IPO5: variants seen among roughly 807,000 people sequenced by gnomAD.
IPO5 encodes the protein importin 5.
A neutral mutation model predicts 143.3 loss-of-function variants in IPO5; 18 were observed. The ratio of observed to expected loss-of-function variants is 0.13; its 90% confidence interval spans 0.09 to 0.19. IPO5 has a LOEUF of 0.19. Among genes scored for constraint, IPO5 ranks in the 10% least tolerant of loss-of-function variants. The probability of loss-of-function intolerance (pLI) is 1.00; values close to 1 mark genes in which losing one functional copy is unlikely to be tolerated. For synonymous variants in IPO5, 477 were observed against 465.7 expected (o/e 1.02, Z -0.31); for missense variants, 1,013 against 1,336.9 (o/e 0.76, Z 3.78).
Position 97,995,482 on chromosome 13 carries a change from G to A in IPO5, c.914-2049G>A, listed in dbSNP as rs141201985. On this transcript the variant is annotated intron_variant, in intron 11 of 28. Coordinates refer to ENST00000651721, the MANE Select transcript of IPO5 (RefSeq NM_002271.6). ...AGCTTATTAAAAAAACAGGCCGGGC[G>A]CGGTGGCTCACACCTGCAATCTCAG... Among the ~76,000 whole-genome samples, 330 of 152,142 alleles carry A rather than the reference G, an allele frequency of 2.2e-3. 1 individual carries two copies. Among genetic ancestry groups the A allele is most frequent in the Non-Finnish European group, 3.9e-3 (262 of 68,018 alleles).
chr13:98,005,923 A>G (rs1327459128), intron 16 of IPO5, among the ~76,000 whole-genome samples: 1 of 152,146 alleles, frequency 6.6e-6, no homozygotes, highest in Non-Finnish European at 1.5e-5. Flanking sequence ...TTAATAGAAG[A>G]GAGAAAAAAA....
At chr13:97,965,680 G>A (rs1315801122) in intron 2 of IPO5, among the ~76,000 whole-genome samples, 2 of 151,702 alleles carry the variant, frequency 1.3e-5, no homozygotes, top group East Asian at 3.9e-4. Flanking sequence ...CTAGTGTATG[G>A]AATTACAATT....
At chr13:97,958,600 A>G (rs946850551) in intron 2 of IPO5, among the ~76,000 whole-genome samples, 2 of 151,806 alleles carry the variant, frequency 1.3e-5, no homozygotes, top group South Asian at 4.2e-4. Flanking sequence ...AAACTGTATG[A>G]TTTAGGCCTC....
chr13:98,002,219 G>A lies in IPO5; in HGVS notation c.1109-248G>A, dbSNP rs532580669. The A allele has an allele frequency of 2.0e-4, 49 of 240,474 alleles. 1 individual carries two copies. The highest frequency in any genetic ancestry group is 9.6e-4 in the African/African-American group (42 of 43,562). The allele number at this position is 240,474 out of a possible 1,614,324, so 14.9% of individuals were successfully genotyped here. A position where few individuals can be genotyped will look rare whatever the true frequency, so the allele number is the denominator to read the frequency against. On this transcript the variant is annotated intron_variant, in intron 13 of 28. Transcript: ENST00000651721. ...TTAAGTAGAGACGGGGTTTCACCACGTTAACCAGGATGGTCTCGATCTCCT... is the reference window on the plus strand; with the variant it reads ...TTAAGTAGAGACGGGGTTTCACCACATTAACCAGGATGGTCTCGATCTCCT...
chr13:97,970,988 T>TA (rs1885783588), intron 3 of IPO5, among the ~76,000 whole-genome samples: 1 of 151,856 alleles, frequency 6.6e-6, no homozygotes, highest in Non-Finnish European at 1.5e-5. Context: ...TAATCAGTAG[T>TA]AAAAAATACT....
At chr13:98,007,278 A>T (rs1401930723) in intron 17 of IPO5, 2 of 152,178 alleles carry the variant, frequency 1.3e-5, no homozygotes, top group African/African-American at 4.8e-5. Context: ...GTTCCCTTTA[A>T]ATATGTGCTT....
At chr13:97,997,334 T>C (rs1342460057) in intron 11 of IPO5, among the ~76,000 whole-genome samples, 197 bp from the exon 12 acceptor site, 2 of 152,062 alleles carry the variant, frequency 1.3e-5, no homozygotes, top group African/African-American at 2.4e-5. Context: ...TTAATGAATG[T>C]TGCTTTTTAA....
chr13:98,016,972 A>G (rs1273595149), intron 25 of IPO5, 121 bp downstream of exon 25: 7 of 717,484 alleles, frequency 9.8e-6, no homozygotes, highest in Admixed American at 3.0e-5. Flanking sequence ...TCCATTGTAC[A>G]TCTTTGATTT....
At chr13:97,979,551 T>G (rs748870953) in intron 4 of IPO5, among the ~76,000 whole-genome samples, 8 of 152,336 alleles carry the variant, frequency 5.3e-5, no homozygotes, top group Non-Finnish European at 7.3e-5. Context: ...TGACAAGTAG[T>G]GCAAAGTACA....
chr13:97,959,669 G>A (rs573723191), intron 2 of IPO5, among the ~76,000 whole-genome samples: 1 of 152,204 alleles, frequency 6.6e-6, no homozygotes, highest in Non-Finnish European at 1.5e-5. Flanking sequence ...GGGAGGCGTA[G>A]GTTGCAGTGA....
chr13:98,016,624 G>A (rs1484356488), intron 24 of IPO5, 105 bp from the exon 25 acceptor site: 1 of 602,260 alleles, frequency 1.7e-6, no homozygotes, highest in Non-Finnish European at 2.6e-6. Context: ...ACAGGAATGA[G>A]AAATTGATTT....
chr13:98,015,318 G>C (rs1210809144), intron 22 of IPO5, among the ~76,000 whole-genome samples: 3 of 151,282 alleles, frequency 2.0e-5, no homozygotes, highest in African/African-American at 7.3e-5. Flanking sequence ...CTGGCACCTA[G>C]GTATGCTCAG....
rs560089074 is a variant in IPO5, at chr13:97,975,915, C to T, written c.-4-778C>T. The T allele has an allele frequency of 2.2e-5, 22 of 985,436 alleles. No individual in the cohort carries two copies. The South Asian group carries it at 1.0e-3, about 46-fold the overall frequency. The allele number at this position is 985,436 out of a possible 1,614,324, so 61.0% of individuals were successfully genotyped here. On this transcript the variant is annotated intron_variant, in intron 3 of 28. Transcript: ENST00000651721. The stretch of plus-strand genomic sequence containing the variant: ...GCCCCAGGCGTGAGTCACTGGAGAG[C>T]GCGACGGGAGGAAGGGGCGCCCTGA...
chr13:97,976,722 A>T lies in IPO5; in HGVS notation c.26A>T (p.Gln9Leu). The change falls in exon 4 of 29, where the codon CAA becomes CTA. Residue 9 changes from glutamine (Q) to leucine (L), a missense_variant. Gln to Leu is a moderately radical substitution (Grantham distance 113, BLOSUM62 -2). This residue lies in a region of IPO5 where 328 missense variants were observed against 342.0 expected (regional missense o/e 0.96). Transcript: ENST00000651721. MAAAAAEQ[Q>L]QFYLLLGNLL... ...ATGGCGGCGGCCGCGGCGGAGCAGC[A>T]ACAGTTCTACCTGCTCCTGGGAAAC... The T allele has an allele frequency of 7.1e-7, 1 of 1,401,716 alleles. No individual in the cohort carries two copies. Among genetic ancestry groups the T allele is most frequent in the Non-Finnish European group, 9.5e-7 (1 of 1,052,964 alleles). 86.8% of individuals were successfully genotyped at this position (1,401,716 alleles called of 1,614,324 possible).
chr13:98,007,195 C>T (rs532710968), intron 17 of IPO5, among the ~76,000 whole-genome samples: 32 of 152,278 alleles, frequency 2.1e-4, no homozygotes, highest in Middle Eastern at 3.4e-3. Context: ...AGCTGTGCTC[C>T]TGATGCCTCC....
intron 26 of IPO5, 78 bp downstream of exon 26, chr13:98,018,782 C>A: frequency 9.8e-7 from 1 of 1,024,574 alleles, no homozygotes; most frequent in African/African-American, 1.6e-5. Context: ...TTACCACACT[C>A]CCAAACATTA....
intron 11 of IPO5, among the ~76,000 whole-genome samples, chr13:97,995,153 ATCTTTCTTTCATT>A (rs1888142760): frequency 7.1e-6 from 1 of 140,206 alleles, no homozygotes; most frequent in Non-Finnish European, 1.6e-5. Context: ...TTTCTGGGAT[ATCTTTCTTTCATT>A]CTTTCTTTCT....
intron 2 of IPO5, among the ~76,000 whole-genome samples, chr13:97,967,040 A>T (rs1245827921): frequency 6.6e-6 from 1 of 152,190 alleles, no homozygotes; most frequent in Non-Finnish European, 1.5e-5. Flanking sequence ...TGTCTCAAAA[A>T]ATAATAAAAT....
At chr13:97,981,347 G>T in intron 4 of IPO5, 1 of 441,544 alleles carries the variant, frequency 2.3e-6, no homozygotes. Flanking sequence ...TTTTGAATAT[G>T]GTTGGCCTTA....
Sources: allele counts gnomAD v4.1 joint callset (sites outside exome capture counted in the v4.1 genomes callset), GRCh38; gene constraint gnomAD v4.1.1; regional missense constraint gnomAD v4.1.1; transcripts MANE v1.5; gene names NCBI Gene and HGNC (gene_info 2026-07-23, HGNC 2026-07-21).